ECE1: variants seen among roughly 807,000 people sequenced by gnomAD.
The protein encoded by ECE1 is endothelin converting enzyme 1, also known as endothelin-converting enzyme 1.
A neutral mutation model predicts 98.6 loss-of-function variants in ECE1; 35 were observed. The observed-to-expected ratio is 0.35, with a 90% CI of 0.27 to 0.47. The LOEUF is 0.47. ECE1 is among the 20% of genes least tolerant of loss of function. The pLI is 1.00. For missense variants in ECE1, 814 were observed against 1,025.3 expected (o/e 0.79, Z 2.81); for synonymous variants, 394 against 407.1 (o/e 0.97, Z 0.39).
At chr1:21,250,178 T>C (rs900097093) in intron 8 of ECE1, among the ~76,000 whole-genome samples, 1 of 152,148 alleles carries the variant, frequency 6.6e-6, no homozygotes, top group Non-Finnish European at 1.5e-5. Flanking sequence ...CTACTTTCTG[T>C]CTCTATGAAC....
At chr1:21,302,317 G>A (rs781574685) in intron 1 of ECE1, among the ~76,000 whole-genome samples, 2 of 152,126 alleles carry the variant, frequency 1.3e-5, no homozygotes, top group Non-Finnish European at 2.9e-5. Flanking sequence ...GGTGCTAAGC[G>A]CCCTACACAC....
rs1054505761 is a variant in ECE1 at position 21,258,618 on chromosome 1, C to G, written c.762+75G>C. On this transcript the variant is annotated intron_variant, in intron 6 of 18. Transcript: ENST00000374893. This position sits in a 1 kb window ranked among gnomAD's most constrained non-coding sequence, Gnocchi z 4.2. Reference sequence around the variant, plus strand: ...ACCCAGGGCAAGCCCCTCTCCCACCCCAGGTCCTGCTAAACTCAAAACAGG... The same window carrying G: ...ACCCAGGGCAAGCCCCTCTCCCACCGCAGGTCCTGCTAAACTCAAAACAGG... 5 of 1,574,252 alleles carry G rather than the reference C, an allele frequency of 3.2e-6. No homozygotes were observed. The African/African-American group carries it at 6.8e-5, about 21-fold the overall frequency.
intron 2 of ECE1, among the ~76,000 whole-genome samples, chr1:21,281,045 C>T (rs535609118): frequency 1.3e-5 from 2 of 152,242 alleles, no homozygotes; most frequent in Admixed American, 6.5e-5. Flanking sequence ...CAAAAATTAG[C>T]CAGGAGTGGT....
chr1:21,290,638 A>G (rs1222018849), upstream of ECE1: 5 of 994,630 alleles, frequency 5.0e-6, no homozygotes, highest in Non-Finnish European at 6.4e-6. The surrounding 1 kb of genome is among the most constrained non-coding windows in gnomAD (Gnocchi z 7.3). Flanking sequence ...TGAAGCCCCT[A>G]GCAGGCAGGA....
chr1:21,224,565 GA>G (rs1184236358), intron 17 of ECE1, among the ~76,000 whole-genome samples: 1 of 152,054 alleles, frequency 6.6e-6, no homozygotes, highest in African/African-American at 2.4e-5. Flanking sequence ...TGGCACTTAA[GA>G]AGGCCTCAAT....
intron 8 of ECE1, among the ~76,000 whole-genome samples, 195 bp downstream of exon 8, chr1:21,255,752 T>C (rs1337742337): frequency 6.6e-6 from 1 of 152,220 alleles, no homozygotes; most frequent in African/African-American, 2.4e-5. Flanking sequence ...ACTTACTAGC[T>C]GTGTGCCCTT....
intron 1 of ECE1, among the ~76,000 whole-genome samples, chr1:21,296,222 C>T (rs1638348539): frequency 6.6e-6 from 1 of 152,084 alleles, no homozygotes; most frequent in African/African-American, 2.4e-5. Context: ...TAATAGAAAT[C>T]ATGTACCCTT....
In ECE1 at chr1:21,322,128, TG is replaced by T. The variant is rs1216588786; in HGVS notation, c.3+23247del. 1.3e-5 allele frequency among the ~76,000 whole-genome samples: 2 copies of T among 152,158 alleles called. No homozygotes were observed. Among genetic ancestry groups the T allele is most frequent in the African/African-American group, 4.8e-5 (2 of 41,418 alleles). ...GCCCCACCTGGCTCATGTCAGGAGC[TG>T]GAACAACTTCTGAAGTCAGCATTAT... On this transcript the variant is annotated intron_variant, in intron 1 of 18. Transcript: ENST00000415912. This position sits in a 1 kb window ranked among gnomAD's most constrained non-coding sequence, Gnocchi z 4.1.
intron 8 of ECE1, 67 bp from the exon 9 acceptor site, chr1:21,247,430 G>A (rs750670655): frequency 2.7e-5 from 43 of 1,611,364 alleles, no homozygotes; most frequent in South Asian, 3.3e-5. Context: ...GCTCTAGGAC[G>A]GGCTTCTACA....
In ECE1 at chr1:21,329,619, C is replaced by T. The variant is rs578039251; in HGVS notation, c.3+15757G>A. On this transcript the variant is annotated intron_variant, in intron 1 of 18. Coordinates refer to the ECE1 transcript ENST00000415912. Reference sequence around the variant, plus strand: ...ATCTGAGGAGGTGCCTTATGCAAAGCACAGTTCATGTGCTCGGGGCAAACA... The same window carrying T: ...ATCTGAGGAGGTGCCTTATGCAAAGTACAGTTCATGTGCTCGGGGCAAACA... Among the ~76,000 whole-genome samples the T allele has an allele frequency of 3.9e-5, 6 of 152,346 alleles. No individual in the cohort carries two copies. In the South Asian group the frequency reaches 1.2e-3, roughly 32 times the overall value.
At chr1:21,276,931 G>A (rs2098247993) in intron 3 of ECE1, among the ~76,000 whole-genome samples, 1 of 152,098 alleles carries the variant, frequency 6.6e-6, no homozygotes, top group Non-Finnish European at 1.5e-5. Flanking sequence ...TGGTCAGGCT[G>A]GTCTCGAACA....
intron 2 of ECE1, among the ~76,000 whole-genome samples, chr1:21,287,726 C>T (rs934844288): frequency 6.6e-6 from 1 of 152,068 alleles, no homozygotes; most frequent in African/African-American, 2.4e-5. Context: ...TTTTTAATGG[C>T]AGCATGTTTC....
At chr1:21,321,590 T>C (rs974212032) in intron 1 of ECE1, among the ~76,000 whole-genome samples, 3 of 150,404 alleles carry the variant, frequency 2.0e-5, no homozygotes, top group Non-Finnish European at 2.9e-5. Flanking sequence ...CTCCATTCTT[T>C]CTGCAGTCCT....
intron 2 of ECE1, among the ~76,000 whole-genome samples, chr1:21,284,047 G>C (rs1267993941): frequency 6.6e-6 from 1 of 152,164 alleles, no homozygotes; most frequent in East Asian, 1.9e-4. Context: ...CCAATTCCTG[G>C]GTGCAATGGA....
intron 1 of ECE1, among the ~76,000 whole-genome samples, chr1:21,304,662 T>A (rs1387341496): frequency 4.6e-5 from 7 of 152,220 alleles, no homozygotes. Context: ...TGAGACTTAC[T>A]GGAAGGGCAC....
rs1335506451 is a variant in ECE1, at chr1:21,225,143, G to A, written c.2040+107C>T. 20 of 1,444,034 alleles carry A rather than the reference G, an allele frequency of 1.4e-5. No homozygotes were observed. The highest frequency in any genetic ancestry group is 7.0e-5 in the African/African-American group (5 of 71,624). 89.5% of individuals were successfully genotyped at this position (1,444,034 alleles called of 1,614,324 possible). A position where few individuals can be genotyped will look rare whatever the true frequency, so the allele number is the denominator to read the frequency against. On this transcript the variant is annotated intron_variant, in intron 17 of 18. Transcript: ENST00000374893. This position sits in a 1 kb window ranked among gnomAD's most constrained non-coding sequence, Gnocchi z 5.3. ...TTCGCAGAAGAGGAAACGGAAGCTC[G>A]CACGGCTGCTGCGCCTGCCCTGGTT...
In ECE1 at chr1:21,219,805, A is replaced by G; in HGVS notation, c.*150T>C. Reference sequence around the variant, plus strand: ...ACTGCGGGTCACGTTGAGAGCCAACACCATGGGCTCGGTTCCGGCTGAAAA... The same window carrying G: ...ACTGCGGGTCACGTTGAGAGCCAACGCCATGGGCTCGGTTCCGGCTGAAAA... On this transcript the variant is annotated 3_prime_UTR_variant, in exon 19 of 19. Transcript: ENST00000374893. The surrounding 1 kb of genome is among the most constrained non-coding windows in gnomAD (Gnocchi z 4.5). 2 of 998,420 alleles carry G rather than the reference A, an allele frequency of 2.0e-6. No individual in the cohort carries two copies. The highest frequency in any genetic ancestry group is 3.0e-6 in the Non-Finnish European group (2 of 662,202). 61.8% of individuals were successfully genotyped at this position (998,420 alleles called of 1,614,324 possible). A position where few individuals can be genotyped will look rare whatever the true frequency, so the allele number is the denominator to read the frequency against.
At chr1:21,240,349 T>C (rs212504) in intron 10 of ECE1, among the ~76,000 whole-genome samples, 6,515 of 151,918 alleles carry the variant, frequency 0.043, 439 homozygotes, top group African/African-American at 0.15. Context: ...TAGCCGGGTG[T>C]GGTGGTAGGC....
At chr1:21,295,867 C>T (rs1325242028) in intron 1 of ECE1, among the ~76,000 whole-genome samples, 2 of 152,206 alleles carry the variant, frequency 1.3e-5, no homozygotes, top group Non-Finnish European at 2.9e-5. Flanking sequence ...CATGTGACCT[C>T]GGACATGTTG....
Sources: allele counts gnomAD v4.1 joint callset (sites outside exome capture counted in the v4.1 genomes callset), GRCh38; gene constraint gnomAD v4.1.1; non-coding constraint Gnocchi (gnomAD v3.1); transcripts MANE v1.5; gene names NCBI Gene and HGNC (gene_info 2026-07-23, HGNC 2026-07-21).